CA8: variants seen among roughly 807,000 people sequenced by gnomAD.
CA8 encodes carbonic anhydrase 8 (inactive).
CA8 carries 22 observed loss-of-function variants against 41.4 expected under a neutral mutation model. The ratio of observed to expected loss-of-function variants is 0.53; its 90% CI spans 0.38 to 0.76. CA8 has a LOEUF of 0.76. Among genes scored for constraint, CA8 ranks in the 30% least tolerant of loss-of-function variants. CA8 has a pLI of 0.00. For synonymous variants in CA8, 121 were observed against 130.6 expected (o/e 0.93, Z 0.50); for missense variants, 270 against 352.8 (o/e 0.77, Z 1.88).
chr8:60,280,964 G>GCGGC, intron 1 of CA8, 84 bp downstream of exon 1: 1 of 969,512 alleles, frequency 1.0e-6, no homozygotes, highest in Non-Finnish European at 1.7e-6. Flanking sequence ...GGAGCGCGCA[G>GCGGC]CGGCAGCAGG....
intron 3 of CA8, among the ~76,000 whole-genome samples, chr8:60,244,100 T>C (rs1808137693): frequency 6.6e-6 from 1 of 152,202 alleles, no homozygotes; most frequent in East Asian, 1.9e-4. Context: ...AGTTCCCACC[T>C]CTGGTGATGG....
intron 3 of CA8, among the ~76,000 whole-genome samples, chr8:60,234,845 T>C (rs1476572186): frequency 2.0e-5 from 3 of 152,182 alleles, no homozygotes; most frequent in Admixed American, 6.5e-5. Context: ...TGATAAACCT[T>C]CTTCTCTTGA....
intron 3 of CA8, among the ~76,000 whole-genome samples, chr8:60,249,747 G>A (rs1305205049): frequency 6.6e-6 from 1 of 152,080 alleles, no homozygotes; most frequent in Non-Finnish European, 1.5e-5. Context: ...AACTATGAAT[G>A]ATCATAAAAT....
chr8:60,213,633 A>C (rs1432997985), intron 7 of CA8, among the ~76,000 whole-genome samples: 3 of 152,260 alleles, frequency 2.0e-5, no homozygotes, highest in Admixed American at 6.5e-5. Context: ...GCAAAGACTC[A>C]GTATGAAAAT....
intron 7 of CA8, among the ~76,000 whole-genome samples, chr8:60,218,796 G>A (rs756994254): frequency 2.9e-4 from 44 of 152,154 alleles, no homozygotes; most frequent in Non-Finnish European, 5.6e-4. Context: ...TGTTTTACAT[G>A]TATCATTCAT....
chr8:60,248,964 G>A (rs923965424), intron 3 of CA8, among the ~76,000 whole-genome samples: 7 of 152,218 alleles, frequency 4.6e-5, no homozygotes, highest in Middle Eastern at 3.4e-3. Flanking sequence ...TCTCCTTGAA[G>A]AGGCCCTTCA....
rs1162460218 is a variant in CA8 at position 60,188,864 on chromosome 8, G to A, written c.*1157C>T. The A allele has an allele frequency of 2.0e-5, 3 of 152,098 alleles. No individual in the cohort carries two copies. Among genetic ancestry groups the A allele is most frequent in the African/African-American group, 7.2e-5 (3 of 41,398 alleles). The allele number at this position is 152,098 out of a possible 1,614,324, so 9.4% of individuals were successfully genotyped here. A position where few individuals can be genotyped will look rare whatever the true frequency, so the allele number is the denominator to read the frequency against. ...TCTACTCAACACATCTAAAAACTCT[G>A]AACATATACTTATTCCACCTGTCTT... On this transcript the variant is annotated 3_prime_UTR_variant, in exon 9 of 9. Transcript: ENST00000317995.
chr8:60,244,159 G>A (rs1322983029), intron 3 of CA8, among the ~76,000 whole-genome samples: 4 of 152,166 alleles, frequency 2.6e-5, no homozygotes, highest in African/African-American at 4.8e-5. Flanking sequence ...TACAAACAAC[G>A]AAGAGCTATG....
At chr8:60,220,077 C>A (rs1308821009) in intron 7 of CA8, among the ~76,000 whole-genome samples, 1 of 152,028 alleles carries the variant, frequency 6.6e-6, no homozygotes, top group Non-Finnish European at 1.5e-5. Context: ...GCTCAACATT[C>A]TACGGAAACA....
intron 2 of CA8, among the ~76,000 whole-genome samples, chr8:60,274,108 G>C (rs917733184): frequency 6.6e-6 from 1 of 152,134 alleles, no homozygotes; most frequent in Admixed American, 6.5e-5. Flanking sequence ...CACAGTGGTG[G>C]TGTGAAGTCA....
intron 6 of CA8, among the ~76,000 whole-genome samples, chr8:60,223,805 A>G (rs1807331312): frequency 1.3e-5 from 2 of 152,222 alleles, no homozygotes; most frequent in Admixed American, 6.5e-5. Flanking sequence ...AGAAGATACA[A>G]TGCATCAACT....
At chr8:60,234,650 C>G (rs1021830059) in intron 3 of CA8, among the ~76,000 whole-genome samples, 5 of 152,274 alleles carry the variant, frequency 3.3e-5, no homozygotes, top group Admixed American at 3.3e-4. Flanking sequence ...CTATGACCCC[C>G]ACATGTCCAG....
intron 8 of CA8, among the ~76,000 whole-genome samples, chr8:60,204,341 C>T (rs1196562379): frequency 6.6e-6 from 1 of 152,088 alleles, no homozygotes; most frequent in Admixed American, 6.6e-5. Context: ...TATTAACATT[C>T]GACATACAAG....
At chr8:60,275,123 C>A (rs751979305) in intron 2 of CA8, among the ~76,000 whole-genome samples, 16 of 152,112 alleles carry the variant, frequency 1.1e-4, no homozygotes, top group Non-Finnish European at 2.2e-4. Flanking sequence ...AAACAGGAAA[C>A]AAGCATATTC....
intron 4 of CA8, 61 bp downstream of exon 4, chr8:60,232,223 T>C: frequency 7.6e-7 from 1 of 1,318,578 alleles, no homozygotes; most frequent in Non-Finnish European, 1.1e-6. Flanking sequence ...AAAAAAATTT[T>C]ACAAAATGAT....
intron 7 of CA8, among the ~76,000 whole-genome samples, chr8:60,211,392 C>T (rs1229488307): frequency 6.6e-6 from 1 of 152,208 alleles, no homozygotes; most frequent in African/African-American, 2.4e-5. Context: ...CTAGCATTCG[C>T]TTTCCATGTA....
intron 8 of CA8, among the ~76,000 whole-genome samples, chr8:60,202,876 T>C (rs1398186118): frequency 6.6e-6 from 1 of 152,218 alleles, no homozygotes; most frequent in East Asian, 1.9e-4. Flanking sequence ...CATAGGTCCC[T>C]GGCATAGTAA....
At position 60,236,782 on chromosome 8, in the gene CA8, T is replaced by C. The variant is rs1468159099; in HGVS notation, c.418-4403A>G. On this transcript the variant is annotated intron_variant, in intron 3 of 8. Coordinates refer to ENST00000317995, the MANE Select transcript of CA8 (RefSeq NM_004056.6). ...ATAAATACATATTAGTGCATGAATA[T>C]AATTTATTAACAAATACATATATTA... is the stretch of plus-strand genomic sequence containing the variant. Among the ~76,000 whole-genome samples, 10 of 152,350 alleles carry C rather than the reference T, an allele frequency of 6.6e-5. No homozygotes were observed. The East Asian group carries it at 1.9e-3, about 29-fold the overall frequency.
rs577358257 is a variant in CA8 at position 60,259,177 on chromosome 8, C to A, written c.417+6748G>T. ...GATATGAGTTATTTAGATGGCCACCCAGTTATGGACTATATATTCAAATCA... is the reference window on the plus strand; with the variant it reads ...GATATGAGTTATTTAGATGGCCACCAAGTTATGGACTATATATTCAAATCA... On this transcript the variant is annotated intron_variant, in intron 3 of 8. Transcript: ENST00000317995. Among the ~76,000 whole-genome samples, 12 of 152,232 alleles carry A rather than the reference C, an allele frequency of 7.9e-5. No individual in the cohort carries two copies. In the East Asian group the frequency reaches 2.3e-3, roughly 29 times the overall value.
Sources: gnomAD v4.1 joint callset for allele counts (sites outside exome capture counted in the v4.1 genomes callset) on GRCh38, gnomAD v4.1.1 for gene constraint, MANE v1.5 for transcripts, NCBI Gene and HGNC (gene_info 2026-07-23, HGNC 2026-07-21) for gene names.